Variants in LRRC37A2 observed in about 807,000 individuals in gnomAD.
The protein encoded by LRRC37A2 is leucine-rich repeat-containing protein 37A2.
In LRRC37A2, 9 loss-of-function variants were observed where a neutral mutation model predicts 68.8. The observed-to-expected ratio is 0.13, with a 90% CI of 0.08 to 0.23. The LOEUF is 0.23. Among genes scored for constraint, LRRC37A2 ranks in the 10% least tolerant of loss-of-function variants. LRRC37A2 has a pLI of 1.00. For synonymous variants in LRRC37A2, 63 were observed against 367.6 expected (o/e 0.17, Z 9.48); for missense variants, 168 against 950.4 (o/e 0.18, Z 10.82).
chr17:46,710,238 A>G, the LRRC37A2 span, among the ~76,000 whole-genome samples: 1 of 152,190 alleles, frequency 6.6e-6, no homozygotes, highest in Non-Finnish European at 1.5e-5. Context: ...ATCCAGTTCA[A>G]TTGTAAATAC....
the LRRC37A2 span, chr17:46,949,395 G>A: frequency 6.6e-6 from 1 of 152,176 alleles, no homozygotes; most frequent in Non-Finnish European, 1.5e-5. Flanking sequence ...TACTTTCTAT[G>A]ACCAAGCCTC....
the LRRC37A2 span, among the ~76,000 whole-genome samples, chr17:46,784,591 A>G: frequency 1.3e-5 from 2 of 151,984 alleles, no homozygotes; most frequent in Non-Finnish European, 2.9e-5. Context: ...TCACACTAGG[A>G]GGCTGGAAAG....
At chr17:46,493,906 A>T in the LRRC37A2 span, among the ~76,000 whole-genome samples, 1 of 151,000 alleles carries the variant, frequency 6.6e-6, no homozygotes, top group African/African-American at 2.5e-5. Context: ...ATCTTGGCTC[A>T]CTGCAGCCTG....
chr17:46,933,767 A>C, the LRRC37A2 span: 1 of 151,952 alleles, frequency 6.6e-6, no homozygotes, highest in African/African-American at 2.4e-5. Context: ...GGAGTTCACC[A>C]TCCTGGGTGA....
At chr17:47,006,141 C>T in the LRRC37A2 span, among the ~76,000 whole-genome samples, 2 of 151,952 alleles carry the variant, frequency 1.3e-5, no homozygotes, top group Non-Finnish European at 2.9e-5. Flanking sequence ...CATTGCACTC[C>T]AGCTCTGCAA....
chr17:46,817,277 C>T, the LRRC37A2 span, among the ~76,000 whole-genome samples: 7 of 152,196 alleles, frequency 4.6e-5, no homozygotes, highest in Admixed American at 1.3e-4. Flanking sequence ...GACCTGCAGG[C>T]GGTACCGCAC....
At chr17:47,017,104 G>A in the LRRC37A2 span, 1 of 1,558,828 alleles carries the variant, frequency 6.4e-7, no homozygotes, top group Non-Finnish European at 8.7e-7. Context: ...CTGGTGACAT[G>A]GAGCAGATCT....
chr17:46,731,664 G>A, the LRRC37A2 span, among the ~76,000 whole-genome samples: 1 of 152,090 alleles, frequency 6.6e-6, no homozygotes, highest in Non-Finnish European at 1.5e-5. Flanking sequence ...TTTATCTAAG[G>A]ACTGAAGAGG....
chr17:46,597,789 T>C, the LRRC37A2 span, among the ~76,000 whole-genome samples: 1 of 3,838 alleles, frequency 2.6e-4, no homozygotes, highest in Non-Finnish European at 7.3e-4. Flanking sequence ...TGCAATACTC[T>C]TTTTTTTTTT....
the LRRC37A2 span, chr17:47,033,247 AAAAG>A: frequency 1.4e-4 from 88 of 632,630 alleles, 1 homozygote; most frequent in African/African-American, 1.3e-3. Context: ...AAAAAAAAAA[AAAAG>A]AAAGAAAGAA....
the LRRC37A2 span, chr17:46,931,466 C>T: frequency 1.9e-6 from 1 of 529,818 alleles, no homozygotes. Flanking sequence ...GCCTCCAGTT[C>T]TGTTTTTTGA....
chr17:46,726,497 T>G, the LRRC37A2 span: 4 of 1,537,668 alleles, frequency 2.6e-6, no homozygotes, highest in Non-Finnish European at 3.6e-6. Context: ...TCTTGGAAAT[T>G]GTCGTAACTG....
the LRRC37A2 span, chr17:46,768,931 A>C: frequency 5.1e-6 from 7 of 1,379,608 alleles, no homozygotes; most frequent in Admixed American, 9.6e-5. The surrounding 1 kb of genome is among the most constrained non-coding windows in gnomAD (Gnocchi z 5.0). Flanking sequence ...AAGAGAACTG[A>C]TGGGGACTGA....
the LRRC37A2 span, among the ~76,000 whole-genome samples, chr17:46,905,813 T>C: frequency 1.1e-4 from 5 of 46,930 alleles, no homozygotes; most frequent in African/African-American, 2.1e-4. Context: ...TGTGTGTGTG[T>C]GCGTTTGTTG....
the LRRC37A2 span, among the ~76,000 whole-genome samples, chr17:46,774,382 T>G: frequency 6.6e-6 from 1 of 152,194 alleles, no homozygotes; most frequent in Non-Finnish European, 1.5e-5. Flanking sequence ...ACACTACCCT[T>G]GGCAATGCCC....
At chr17:46,980,510 T>A in the LRRC37A2 span, among the ~76,000 whole-genome samples, 1 of 151,646 alleles carries the variant, frequency 6.6e-6, no homozygotes, top group Non-Finnish European at 1.5e-5. Context: ...AGATTGTATT[T>A]TGAAAAATGG....
the LRRC37A2 span, among the ~76,000 whole-genome samples, chr17:46,817,995 C>T: frequency 6.6e-6 from 1 of 152,060 alleles, no homozygotes; most frequent in Non-Finnish European, 1.5e-5. Flanking sequence ...CTCCCCTGCC[C>T]CGGGAGGAGC....
the LRRC37A2 span, among the ~76,000 whole-genome samples, chr17:46,888,229 G>A: frequency 6.6e-6 from 1 of 152,196 alleles, no homozygotes; most frequent in African/African-American, 2.4e-5. Flanking sequence ...CTGAAGCTTA[G>A]GGAGGTGTGG....
At chr17:46,787,761 C>T in the LRRC37A2 span, among the ~76,000 whole-genome samples, 1 of 152,188 alleles carries the variant, frequency 6.6e-6, no homozygotes, top group East Asian at 1.9e-4. Flanking sequence ...CGAGACCAGC[C>T]TGGCCAACAT....
Sources: allele counts gnomAD v4.1 joint callset (sites outside exome capture counted in the v4.1 genomes callset), GRCh38; gene constraint gnomAD v4.1.1; non-coding constraint Gnocchi (gnomAD v3.1); transcripts MANE v1.5; gene names NCBI Gene and HGNC (gene_info 2026-07-23, HGNC 2026-07-21).